NEGR1: variants seen among roughly 807,000 people sequenced by gnomAD.
The protein encoded by NEGR1 is IgLON family member 4.
A neutral mutation model predicts 40.9 loss-of-function variants in NEGR1; 10 were observed. That is an observed-to-expected ratio of 0.24 (90% CI 0.15 to 0.42). NEGR1 has a LOEUF of 0.42. Ranked by LOEUF, NEGR1 falls within the 10% of genes least tolerant of loss-of-function variation. NEGR1 has a pLI of 1.00. For missense variants in NEGR1, 352 were observed against 438.9 expected (o/e 0.80, Z 1.77); for synonymous variants, 185 against 166.8 (o/e 1.11, Z -0.84).
intron 2 of NEGR1, among the ~76,000 whole-genome samples, chr1:71,861,936 T>C (rs1376695170): frequency 1.3e-5 from 2 of 152,082 alleles, no homozygotes; most frequent in Non-Finnish European, 2.9e-5. Flanking sequence ...TCACACCATC[T>C]CTTCAAGGAC....
intron 2 of NEGR1, among the ~76,000 whole-genome samples, chr1:71,871,796 A>G (rs897345833): frequency 1.3e-5 from 2 of 152,184 alleles, no homozygotes; most frequent in Non-Finnish European, 2.9e-5. Flanking sequence ...TCTCTGTACT[A>G]TCTACCTAGG....
At chr1:71,486,247 T>G (rs924147862) in intron 6 of NEGR1, among the ~76,000 whole-genome samples, 20 of 151,726 alleles carry the variant, frequency 1.3e-4, no homozygotes, top group African/African-American at 4.6e-4. Context: ...GTATATTTTT[T>G]CTGGTGAGAT....
intron 4 of NEGR1, among the ~76,000 whole-genome samples, chr1:71,673,543 T>C (rs562977493): frequency 2.4e-4 from 36 of 152,064 alleles, no homozygotes; most frequent in Non-Finnish European, 3.4e-4. Flanking sequence ...TCTAGGATGG[T>C]TTGTTCATGA....
chr1:71,713,620 C>G (rs1654178772), intron 3 of NEGR1, among the ~76,000 whole-genome samples: 1 of 152,154 alleles, frequency 6.6e-6, no homozygotes, highest in Admixed American at 6.5e-5. Flanking sequence ...TTGGATATTA[C>G]TGCAAAGCTT....
chr1:71,543,113 C>T (rs949376297), intron 6 of NEGR1, among the ~76,000 whole-genome samples: 1 of 151,656 alleles, frequency 6.6e-6, no homozygotes, highest in African/African-American at 2.4e-5. Flanking sequence ...CTATTTTATT[C>T]TCAATAACTG....
At chr1:71,987,212 G>A (rs1441553151) in intron 1 of NEGR1, among the ~76,000 whole-genome samples, 1 of 152,140 alleles carries the variant, frequency 6.6e-6, no homozygotes, top group Non-Finnish European at 1.5e-5. Flanking sequence ...AATCCTGTAT[G>A]TTCTATAACC....
intron 1 of NEGR1, among the ~76,000 whole-genome samples, chr1:72,075,636 T>C (rs1358746869): frequency 6.6e-6 from 1 of 152,192 alleles, no homozygotes; most frequent in Non-Finnish European, 1.5e-5. Context: ...ATGCTACAGA[T>C]GACTACCCAG....
Position 71,776,160 on chromosome 1 carries a change from T to TC in NEGR1, c.535+11_535+12insG. The TC allele has an allele frequency of 6.2e-7, 1 of 1,605,928 alleles. No individual in the cohort carries two copies. The highest frequency in any genetic ancestry group is 1.7e-5 in the Admixed American group (1 of 59,220). On this transcript the variant is annotated intron_variant, in intron 3 of 6. Coordinates refer to ENST00000357731, the MANE Select transcript of NEGR1 (RefSeq NM_173808.3). ...GAACAGCACAAACAACACTAATGCA[T>TC]TCCTACTTTACCTGATGGGGAGATG... is the stretch of plus-strand genomic sequence containing the variant.
At chr1:71,566,444 C>A (rs775726083) in intron 6 of NEGR1, among the ~76,000 whole-genome samples, 22 of 151,932 alleles carry the variant, frequency 1.4e-4, no homozygotes, top group Non-Finnish European at 2.8e-4. Flanking sequence ...TAATGTTATT[C>A]TCTATCAGGT....
intron 2 of NEGR1, among the ~76,000 whole-genome samples, chr1:71,855,996 T>C (rs1659748384): frequency 6.6e-6 from 1 of 152,110 alleles, no homozygotes; most frequent in Non-Finnish European, 1.5e-5. Flanking sequence ...CTTACAGTTA[T>C]GTGTCTCAGC....
At chr1:71,716,304 G>A (rs528868869) in intron 3 of NEGR1, among the ~76,000 whole-genome samples, 13 of 152,038 alleles carry the variant, frequency 8.6e-5, no homozygotes, top group African/African-American at 2.9e-4. Context: ...ATTTTGGCAG[G>A]GACACAGAGC....
chr1:71,928,118 GTATATATACACACATA>G (rs1645800694), intron 2 of NEGR1, among the ~76,000 whole-genome samples: 1 of 93,684 alleles, frequency 1.1e-5, no homozygotes, highest in Non-Finnish European at 2.0e-5. Context: ...ATACACATAT[GTATATATACACACATA>G]TGTATATATA....
intron 1 of NEGR1, among the ~76,000 whole-genome samples, chr1:72,012,265 G>A (rs1646663447): frequency 6.6e-6 from 1 of 151,996 alleles, no homozygotes; most frequent in Admixed American, 6.6e-5. Flanking sequence ...GCACGCCCCA[G>A]ACCAACAGAC....
chr1:71,694,344 A>G (rs1244386256), intron 4 of NEGR1, among the ~76,000 whole-genome samples: 1 of 151,684 alleles, frequency 6.6e-6, no homozygotes, highest in Non-Finnish European at 1.5e-5. Flanking sequence ...AGTGGACAAG[A>G]AATACACGCA....
chr1:72,248,574 AT>A (rs1329979300), intron 1 of NEGR1, among the ~76,000 whole-genome samples: 4 of 81,642 alleles, frequency 4.9e-5, no homozygotes, highest in Admixed American at 2.4e-4. Context: ...TTCTATTTTT[AT>A]TTATTATTAT....
At chr1:71,657,380 A>C (rs1651913126) in intron 4 of NEGR1, among the ~76,000 whole-genome samples, 1 of 152,230 alleles carries the variant, frequency 6.6e-6, no homozygotes, top group African/African-American at 2.4e-5. Flanking sequence ...GTTTGTCTCT[A>C]AACATCACAC....
intron 4 of NEGR1, among the ~76,000 whole-genome samples, chr1:71,624,047 C>G (rs775016849): frequency 8.6e-5 from 13 of 151,928 alleles, no homozygotes; most frequent in Non-Finnish European, 1.8e-4. Context: ...GCAGCTGATA[C>G]TCTCCTTATA....
intron 6 of NEGR1, among the ~76,000 whole-genome samples, chr1:71,574,784 A>C (rs978157068): frequency 6.6e-6 from 1 of 152,210 alleles, no homozygotes; most frequent in African/African-American, 2.4e-5. Context: ...CTTATTCTAC[A>C]TTAAGTGATG....
In NEGR1 at chr1:71,789,941, C is replaced by T. The variant is rs144257994; in HGVS notation, c.410-13644G>A. On this transcript the variant is annotated intron_variant, in intron 2 of 6. Transcript: ENST00000357731. Reference sequence around the variant, plus strand: ...AACTATCATTAAAACCTTTTATTCACGGCTACTACTGTAGTGGAAGGATGG... The same window carrying T: ...AACTATCATTAAAACCTTTTATTCATGGCTACTACTGTAGTGGAAGGATGG... 3.0e-4 allele frequency among the ~76,000 whole-genome samples: 46 copies of T among 152,172 alleles called. 1 individual carries two copies. The East Asian group carries it at 3.5e-3, about 11-fold the overall frequency.
Sources: gnomAD v4.1 joint callset for allele counts (sites outside exome capture counted in the v4.1 genomes callset) on GRCh38, gnomAD v4.1.1 for gene constraint, MANE v1.5 for transcripts, NCBI Gene and HGNC (gene_info 2026-07-23, HGNC 2026-07-21) for gene names.